PRPF18: variants seen among roughly 807,000 people sequenced by gnomAD.
PRPF18 encodes pre-mRNA-splicing factor 18.
PRPF18 carries 38 observed loss-of-function variants against 46.5 expected under a neutral mutation model. The observed-to-expected ratio is 0.82, with a 90% CI of 0.63 to 1.07. The LOEUF (loss-of-function observed/expected upper bound fraction) is 1.07, where lower values mean the gene tolerates loss of function less well. Among genes scored for constraint, PRPF18 ranks in the 50% least tolerant of loss-of-function variants. The pLI is 0.00. For synonymous variants in PRPF18, 152 were observed against 146.7 expected (o/e 1.04, Z -0.26); for missense variants, 263 against 410.0 (o/e 0.64, Z 3.10).
the PRPF18 span, chr10:13,649,135 C>G: frequency 6.6e-6 from 1 of 152,094 alleles, no homozygotes; most frequent in Non-Finnish European, 1.5e-5. Context: ...AGTTGACTCT[C>G]TTGTATGTTG....
intron 3 of PRPF18, among the ~76,000 whole-genome samples, chr10:13,601,430 A>G (rs1233169378): frequency 6.6e-6 from 1 of 152,342 alleles, no homozygotes; most frequent in East Asian, 1.9e-4. Context: ...AAGAAATCAA[A>G]TCAATACAAA....
At position 13,587,144 on chromosome 10, in the gene PRPF18, C is replaced by T. The variant is rs975569618; in HGVS notation, c.58C>T (p.Leu20=). The change falls in exon 1 of 10, where the codon CTG becomes TTG. Residue 20 remains leucine, a synonymous_variant. Coordinates refer to ENST00000378572, the MANE Select transcript of PRPF18 (RefSeq NM_003675.4). ...GCGGCAGCTGGTGGAGGACAGGAAC[C>T]TGCTGGTGGTGAGGACCCTGCGGTC... ...RKRQLVEDRN[L]LVENKKYFKR... 7.4e-6 allele frequency: 12 copies of T among 1,613,578 alleles called. No homozygotes were observed. Among genetic ancestry groups the T allele is most frequent in the Non-Finnish European group, 1.7e-6 (2 of 1,179,672 alleles).
chr10:13,588,671 T>C (rs553390996), intron 1 of PRPF18, among the ~76,000 whole-genome samples: 4 of 152,108 alleles, frequency 2.6e-5, no homozygotes, highest in Non-Finnish European at 5.9e-5. Flanking sequence ...CTTCAACACA[T>C]GAAAAGTCTG....
At chr10:13,646,016 C>G in the PRPF18 span, 6 of 152,462 alleles carry the variant, frequency 3.9e-5, no homozygotes, top group African/African-American at 1.4e-4. Context: ...CTCGGCTGAA[C>G]CCCCTGCATG....
chr10:13,609,233 C>T (rs2080236964), intron 4 of PRPF18, among the ~76,000 whole-genome samples: 1 of 152,224 alleles, frequency 6.6e-6, no homozygotes, highest in South Asian at 2.1e-4. Context: ...GGAACAGCTG[C>T]ATCACATAGT....
At chr10:13,592,011 AC>A in intron 1 of PRPF18, 1 of 730,390 alleles carries the variant, frequency 1.4e-6, no homozygotes, top group Non-Finnish European at 2.3e-6. Context: ...ATGAAGTTTA[AC>A]CACCTGGGTA....
chr10:13,654,479 G>A, the PRPF18 span: 108 of 1,613,658 alleles, frequency 6.7e-5, no homozygotes, highest in Non-Finnish European at 8.7e-5. Flanking sequence ...TTCACTTGAC[G>A]GTGTCGAGCT....
the PRPF18 span, chr10:13,643,276 A>G: frequency 6.6e-6 from 1 of 152,282 alleles, no homozygotes; most frequent in South Asian, 2.1e-4. Context: ...ACTAAAGACG[A>G]TCCCTCAAAG....
intron 9 of PRPF18, among the ~76,000 whole-genome samples, chr10:13,623,371 G>A (rs1351873213): frequency 2.0e-5 from 3 of 152,132 alleles, no homozygotes; most frequent in Non-Finnish European, 4.4e-5. Flanking sequence ...GTTAGGATTC[G>A]TTAACTTAAG....
At chr10:13,629,638 A>C (rs2080564237) in intron 9 of PRPF18, among the ~76,000 whole-genome samples, 1 of 152,216 alleles carries the variant, frequency 6.6e-6, no homozygotes, top group Non-Finnish European at 1.5e-5. Context: ...TTTTATGAAA[A>C]GGATGTCACT....
rs746007933 is a variant in PRPF18 at position 13,600,232 on chromosome 10, C to T, written c.145-12C>T. 12 of 1,566,004 alleles carry T rather than the reference C, an allele frequency of 7.7e-6. No individual in the cohort carries two copies. Among genetic ancestry groups the T allele is most frequent in the Non-Finnish European group, 1.0e-5 (12 of 1,148,870 alleles). On this transcript the variant is annotated splice_polypyrimidine_tract_variant and intron_variant, in intron 2 of 9. Coordinates refer to ENST00000378572, the MANE Select transcript of PRPF18 (RefSeq NM_003675.4). The stretch of plus-strand genomic sequence containing the variant: ...TAAAGCTGAATTTCATTTCTTTTGG[C>T]TATTAATATAGATACAGCCAAAAGA...
chr10:13,643,052 AAGTC>A, the PRPF18 span: 2 of 152,234 alleles, frequency 1.3e-5, no homozygotes, highest in African/African-American at 2.4e-5. Context: ...GTCACTACTC[AAGTC>A]AGTCAGTCAC....
At chr10:13,588,267 C>T (rs2079905734) in intron 1 of PRPF18, among the ~76,000 whole-genome samples, 3 of 151,972 alleles carry the variant, frequency 2.0e-5, no homozygotes, top group South Asian at 2.1e-4. Context: ...ATTAGCTGGG[C>T]GTGGTGGTGC....
intron 5 of PRPF18, among the ~76,000 whole-genome samples, chr10:13,610,850 C>G (rs1177254456): frequency 6.6e-6 from 1 of 152,170 alleles, no homozygotes; most frequent in Non-Finnish European, 1.5e-5. Context: ...GTGAGGGTCC[C>G]CTGTCTTTCC....
chr10:13,650,992 C>G, the PRPF18 span: 1 of 152,202 alleles, frequency 6.6e-6, no homozygotes, highest in African/African-American at 2.4e-5. Flanking sequence ...TTCTCATGCT[C>G]CTTGTATATC....
chr10:13,631,512 G>A (rs948734126), downstream of PRPF18: 1 of 152,202 alleles, frequency 6.6e-6, no homozygotes, highest in African/African-American at 2.4e-5. Flanking sequence ...TCCATGCTTC[G>A]TAGCATCACT....
intron 9 of PRPF18, among the ~76,000 whole-genome samples, chr10:13,627,639 A>G (rs374680389): frequency 6.6e-6 from 1 of 152,240 alleles, no homozygotes; most frequent in Admixed American, 6.5e-5. Flanking sequence ...AAAATGTATC[A>G]TACCGCTCTG....
the PRPF18 span, chr10:13,641,486 G>A: frequency 2.0e-5 from 3 of 150,718 alleles, no homozygotes; most frequent in Non-Finnish European, 4.4e-5. Flanking sequence ...CATAAAGATG[G>A]CATTTAAAGC....
intron 4 of PRPF18, among the ~76,000 whole-genome samples, chr10:13,606,368 G>C (rs370381579): frequency 3.9e-5 from 6 of 152,234 alleles, no homozygotes; most frequent in East Asian, 1.9e-4. Flanking sequence ...GATACCACTG[G>C]TTTCCTTTTC....
Sources: allele counts gnomAD v4.1 joint callset (sites outside exome capture counted in the v4.1 genomes callset), GRCh38; gene constraint gnomAD v4.1.1; transcripts MANE v1.5; gene names NCBI Gene and HGNC (gene_info 2026-07-23, HGNC 2026-07-21).